Variants in ABCC2 observed in about 807,000 individuals in gnomAD.
ABCC2 encodes ATP-binding cassette sub-family C member 2.
ABCC2 carries 157 observed loss-of-function variants against 173.4 expected under a neutral mutation model. That is an observed-to-expected ratio of 0.91 (90% confidence interval 0.80 to 1.03). ABCC2 has a LOEUF of 1.03. ABCC2 is among the 50% of genes least tolerant of loss of function. The pLI is 0.00. For synonymous variants in ABCC2, 657 were observed against 693.5 expected (o/e 0.95, Z 0.83); for missense variants, 1,822 against 1,852.3 (o/e 0.98, Z 0.30).
Position 99,850,935 on chromosome 10 carries a change from C to A in ABCC2, c.4508+139C>A. On this transcript the variant is annotated intron_variant, in intron 31 of 31. Transcript: ENST00000647814. ...TGAAGAAACTGAGACTTAGAGATGTCAAGTAATCTGGCCAAAATTTTACAT... is the reference window on the plus strand; with the variant it reads ...TGAAGAAACTGAGACTTAGAGATGTAAAGTAATCTGGCCAAAATTTTACAT... 6.1e-6 allele frequency: 7 copies of A among 1,145,034 alleles called. No homozygotes were observed. The South Asian group carries it at 7.8e-5, about 13-fold the overall frequency. The allele number at this position is 1,145,034 out of a possible 1,614,324, so 70.9% of individuals were successfully genotyped here. A position where few individuals can be genotyped will look rare whatever the true frequency, so the allele number is the denominator to read the frequency against.
At chr10:99,799,728 G>A (rs1358011476) in intron 8 of ABCC2, among the ~76,000 whole-genome samples, 3 of 152,174 alleles carry the variant, frequency 2.0e-5, no homozygotes, top group African/African-American at 7.2e-5. Context: ...TTCCACGGGA[G>A]GTTCAGGTTA....
chr10:99,844,662 G>A (rs1324678356), intron 28 of ABCC2, among the ~76,000 whole-genome samples, 197 bp downstream of exon 28: 1 of 152,216 alleles, frequency 6.6e-6, no homozygotes, highest in Non-Finnish European at 1.5e-5. Flanking sequence ...CAGACTTACC[G>A]CAGCTGTCGG....
At chr10:99,821,529 G>A (rs942679810) in intron 19 of ABCC2, among the ~76,000 whole-genome samples, 4 of 152,054 alleles carry the variant, frequency 2.6e-5, no homozygotes, top group African/African-American at 9.7e-5. Context: ...TGTGTCCCTG[G>A]GTACTTGAGA....
chr10:99,816,278 TTTTG>T (rs200150304), intron 16 of ABCC2, among the ~76,000 whole-genome samples: 6,197 of 149,538 alleles, frequency 0.041, 351 homozygotes, highest in African/African-American at 0.14. Context: ...CATCTCTGTT[TTTTG>T]TTTGTTTGTT....
intron 19 of ABCC2, among the ~76,000 whole-genome samples, chr10:99,827,168 G>A (rs1325317343): frequency 3.9e-5 from 6 of 152,218 alleles, no homozygotes; most frequent in Non-Finnish European, 7.3e-5. Context: ...ACTGAAGTTC[G>A]GCTGGCGGCC....
At chr10:99,834,309 A>G (rs2038784285) in intron 23 of ABCC2, 71 bp from the exon 24 acceptor site, 1 of 1,489,916 alleles carries the variant, frequency 6.7e-7, no homozygotes. Flanking sequence ...ATTCCTTGCT[A>G]GAACTAGGAA....
At chr10:99,799,399 T>G in intron 8 of ABCC2, 29 bp downstream of exon 8, 1 of 1,613,404 alleles carries the variant, frequency 6.2e-7, no homozygotes, top group Non-Finnish European at 8.5e-7. Context: ...GATGGTCCTT[T>G]CAGGGCCTCC....
chr10:99,800,625 C>A, intron 9 of ABCC2, 62 bp downstream of exon 9: 1 of 1,577,248 alleles, frequency 6.3e-7, no homozygotes, highest in Non-Finnish European at 8.7e-7. Flanking sequence ...AGCATTGATT[C>A]CAAGGTTGAG....
At chr10:99,840,460 C>T (rs1165935769) in intron 25 of ABCC2, among the ~76,000 whole-genome samples, 360 of 146,672 alleles carry the variant, frequency 2.5e-3, no homozygotes, top group African/African-American at 8.0e-3. Context: ...CTGGGGCCTC[C>T]GGCGCCGCGA....
intron 13 of ABCC2, 34 bp downstream of exon 13, chr10:99,808,263 T>G (rs1344321096): frequency 6.2e-7 from 1 of 1,612,904 alleles, no homozygotes; most frequent in East Asian, 2.2e-5. Context: ...ACTCCCTGTC[T>G]CTGGTTAAAA....
rs774237384 is a variant in ABCC2 at position 99,805,344 on chromosome 10, A to T, written c.1465-38A>T. 3.8e-6 allele frequency: 6 copies of T among 1,582,640 alleles called. No homozygotes were observed. In the African/African-American group the frequency reaches 8.1e-5, roughly 21 times the overall value. Reference sequence around the variant, plus strand: ...AGCAAACCTGAGCCCTCTCTCATGGAAGCGTATATTGTTTTTCTTTTGCTT... The same window carrying T: ...AGCAAACCTGAGCCCTCTCTCATGGTAGCGTATATTGTTTTTCTTTTGCTT... On this transcript the variant is annotated intron_variant, in intron 10 of 31. Transcript: ENST00000647814.
chr10:99,831,573 T>G (rs1554853090), intron 21 of ABCC2, 38 bp from the exon 22 acceptor site: 7 of 1,583,474 alleles, frequency 4.4e-6, no homozygotes, highest in Middle Eastern at 1.8e-4. Flanking sequence ...CAAAAGCCAT[T>G]AGGGAGTTCT....
chr10:99,831,942 G>C (rs776709483), intron 22 of ABCC2, 35 bp from the exon 23 acceptor site: 16 of 1,614,170 alleles, frequency 9.9e-6, no homozygotes, highest in Non-Finnish European at 1.3e-5. Flanking sequence ...AGGGATTCCT[G>C]TGCATGGTGC....
intron 10 of ABCC2, among the ~76,000 whole-genome samples, chr10:99,804,685 A>C (rs1289330933): frequency 6.6e-6 from 1 of 152,112 alleles, no homozygotes; most frequent in East Asian, 1.9e-4. Context: ...CGCTACCACC[A>C]GGTGGGAGGG....
intron 19 of ABCC2, among the ~76,000 whole-genome samples, chr10:99,827,197 G>A (rs1352565817): frequency 6.6e-6 from 1 of 152,206 alleles, no homozygotes; most frequent in African/African-American, 2.4e-5. Flanking sequence ...TAAGCTACTG[G>A]CGGTTGGGTC....
chr10:99,848,330 A>G (rs1050480996), intron 30 of ABCC2, among the ~76,000 whole-genome samples: 2 of 152,216 alleles, frequency 1.3e-5, no homozygotes, highest in Non-Finnish European at 2.9e-5. Flanking sequence ...CCTTCAGTGT[A>G]TGTTTGCCTG....
In ABCC2 at chr10:99,807,511, C is replaced by T. The variant is rs191954987; in HGVS notation, c.1658C>T (p.Thr553Ile). 3.0e-5 allele frequency: 48 copies of T among 1,614,148 alleles called. No homozygotes were observed. Among genetic ancestry groups the T allele is most frequent in the Non-Finnish European group, 3.3e-5 (39 of 1,179,992 alleles). ...QCVVIFVFQL[T>I]PVLVSVVTFS... ...GTAGTAATATTCGTCTTCCAGTTAA[C>T]TCCAGTCCTGGTGAGTAGCAGAGGG... The change falls in exon 12 of 32, where the codon ACT (threonine) becomes ATT (isoleucine). Residue 553 changes from threonine (T) to isoleucine (I), a missense_variant. Coordinates refer to ENST00000647814, the MANE Select transcript of ABCC2 (RefSeq NM_000392.5).
Position 99,808,109 on chromosome 10 carries a change from T to G in ABCC2, c.1695T>G (p.Tyr565Ter). ...VLVSVVTFSV[Y>*]VLVDSNNILD... ...TATCTGTGGTCACATTTTCTGTTTA[T>G]GTCCTGGTGGATAGCAACAATATTT... Residue 565 changes from tyrosine (Y) to a stop codon, truncating the protein, a stop_gained, in exon 13 of 32, where the codon TAT becomes TAG. Coordinates refer to ENST00000647814, the MANE Select transcript of ABCC2 (RefSeq NM_000392.5). LOFTEE classifies it high-confidence loss of function. The G allele has an allele frequency of 1.2e-6, 2 of 1,614,206 alleles. No homozygotes were observed. Among genetic ancestry groups the G allele is most frequent in the Non-Finnish European group, 1.7e-6 (2 of 1,180,006 alleles).
intron 25 of ABCC2, among the ~76,000 whole-genome samples, chr10:99,841,672 T>C (rs1590190436): frequency 2.0e-5 from 3 of 152,346 alleles, no homozygotes; most frequent in South Asian, 4.1e-4. Flanking sequence ...CATTGTATAT[T>C]AACAGTTGCC....
Sources: allele counts gnomAD v4.1 joint callset (sites outside exome capture counted in the v4.1 genomes callset), GRCh38; gene constraint gnomAD v4.1.1; transcripts MANE v1.5; gene names NCBI Gene and HGNC (gene_info 2026-07-23, HGNC 2026-07-21).